TENM2: variants seen among roughly 807,000 people sequenced by gnomAD.
TENM2 encodes the protein teneurin-2.
Under a neutral mutation model 245.2 loss-of-function variants are expected in TENM2, and 52 were observed. The ratio of observed to expected loss-of-function variants is 0.21; its 90% confidence interval spans 0.17 to 0.27. The LOEUF (loss-of-function observed/expected upper bound fraction) is 0.27. Ranked by LOEUF, TENM2 falls within the 10% of genes least tolerant of loss-of-function variation. TENM2 has a pLI of 1.00. For missense variants in TENM2, 3,046 were observed against 3,666.8 expected (o/e 0.83, Z 4.37); for synonymous variants, 1,363 against 1,438.9 (o/e 0.95, Z 1.19).
intron 2 of TENM2, among the ~76,000 whole-genome samples, chr5:167,783,584 G>A (rs1227878063): frequency 1.3e-5 from 2 of 152,196 alleles, no homozygotes; most frequent in African/African-American, 2.4e-5. Context: ...CTTCAGCTCC[G>A]CGGATGCCAA....
chr5:167,426,624 T>A (rs2127433205), intron 2 of TENM2, among the ~76,000 whole-genome samples: 1 of 152,226 alleles, frequency 6.6e-6, no homozygotes, highest in Middle Eastern at 3.4e-3. Context: ...CTTAACTGTT[T>A]TGGTGTGATT....
At chr5:167,149,955 G>A in the TENM2 span, among the ~76,000 whole-genome samples, 1 of 152,154 alleles carries the variant, frequency 6.6e-6, no homozygotes, top group Non-Finnish European at 1.5e-5. Flanking sequence ...AAGGGAAGGA[G>A]AGGAAGGATG....
At chr5:167,817,032 G>A (rs952994317) in intron 2 of TENM2, among the ~76,000 whole-genome samples, 8 of 152,198 alleles carry the variant, frequency 5.3e-5, no homozygotes, top group Non-Finnish European at 8.8e-5. Flanking sequence ...TTTGGTTGAT[G>A]TGTTTCAGAA....
chr5:167,167,836 T>A, the TENM2 span, among the ~76,000 whole-genome samples: 1 of 152,190 alleles, frequency 6.6e-6, no homozygotes, highest in Non-Finnish European at 1.5e-5. Context: ...AATGAATGAA[T>A]GAGTGAATAA....
chr5:167,621,846 G>C (rs1341273775), intron 2 of TENM2, among the ~76,000 whole-genome samples: 2 of 152,156 alleles, frequency 1.3e-5, no homozygotes, highest in African/African-American at 4.8e-5. Context: ...GCAGGCTTAT[G>C]AATTTGGAAT....
At chr5:167,504,134 G>A (rs191707615) in intron 2 of TENM2, among the ~76,000 whole-genome samples, 1 of 152,152 alleles carries the variant, frequency 6.6e-6, no homozygotes, top group African/African-American at 2.4e-5. Flanking sequence ...TTGTCCAATG[G>A]AAGTGATACT....
intron 5 of TENM2, among the ~76,000 whole-genome samples, chr5:168,010,819 C>T (rs1785164883): frequency 1.3e-5 from 2 of 152,156 alleles, no homozygotes; most frequent in East Asian, 1.9e-4. Flanking sequence ...AAGCACTGTC[C>T]GTGTATTAGG....
the TENM2 span, among the ~76,000 whole-genome samples, chr5:167,063,158 G>A: frequency 7.9e-4 from 120 of 152,156 alleles, no homozygotes; most frequent in African/African-American, 2.7e-3. Flanking sequence ...TTGCCCTCAT[G>A]TTGGGCATCT....
In TENM2 at chr5:167,792,798, A is replaced by G. The variant is rs541589272; in HGVS notation, c.503-83188A>G. 3.3e-5 allele frequency among the ~76,000 whole-genome samples: 5 copies of G among 151,914 alleles called. No individual in the cohort carries two copies. The East Asian group carries it at 5.8e-4, about 18-fold the overall frequency. ...TACTGTTCTGTTAACAGGCATTTAC[A>G]TGATAATAGCGGTGTCAGCATGTGC... is the stretch of plus-strand genomic sequence containing the variant. On this transcript the variant is annotated intron_variant, in intron 2 of 28. Transcript: ENST00000518659.
intron 2 of TENM2, among the ~76,000 whole-genome samples, chr5:167,419,364 A>G (rs1173547030): frequency 2.0e-5 from 3 of 152,178 alleles, no homozygotes; most frequent in Non-Finnish European, 4.4e-5. Context: ...TGGGAGGCTG[A>G]GGCAGGAGAA....
chr5:167,375,385 C>A, exon 2 of TENM2: 1 of 1,551,680 alleles, frequency 6.4e-7, no homozygotes, highest in South Asian at 1.2e-5. Flanking sequence ...GGATAAAATC[C>A]AGGCGCAGTT....
chr5:167,206,394 C>A, the TENM2 span, among the ~76,000 whole-genome samples: 2 of 152,118 alleles, frequency 1.3e-5, no homozygotes, highest in Admixed American at 6.5e-5. Flanking sequence ...GTTTTTTTGT[C>A]CCCAAGGCTT....
the TENM2 span, among the ~76,000 whole-genome samples, chr5:167,242,337 A>G: frequency 6.6e-6 from 1 of 152,196 alleles, no homozygotes; most frequent in African/African-American, 2.4e-5. Flanking sequence ...GGCATGAGCC[A>G]CTGCACCTGG....
At chr5:167,208,501 A>T in the TENM2 span, among the ~76,000 whole-genome samples, 1 of 152,206 alleles carries the variant, frequency 6.6e-6, no homozygotes, top group Non-Finnish European at 1.5e-5. Flanking sequence ...CAAAACGAAC[A>T]CTAGAACCAC....
At chr5:167,067,754 A>G in the TENM2 span, among the ~76,000 whole-genome samples, 1 of 152,164 alleles carries the variant, frequency 6.6e-6, no homozygotes, top group Non-Finnish European at 1.5e-5. Flanking sequence ...TCTCTAATGT[A>G]TTGGTCATAA....
At chr5:167,350,405 A>T (rs1232815183) in intron 1 of TENM2, among the ~76,000 whole-genome samples, 1 of 101,046 alleles carries the variant, frequency 9.9e-6, no homozygotes, top group Non-Finnish European at 2.0e-5. Flanking sequence ...AAACCCATAT[A>T]CATATATATG....
At chr5:167,672,794 G>A (rs1209164593) in intron 2 of TENM2, among the ~76,000 whole-genome samples, 1 of 150,982 alleles carries the variant, frequency 6.6e-6, no homozygotes, top group Non-Finnish European at 1.5e-5. Context: ...TTGACCCAAG[G>A]ACAAAAGAAC....
At chr5:167,993,326 A>G in intron 5 of TENM2, 144 bp downstream of exon 7, 1 of 652,016 alleles carries the variant, frequency 1.5e-6, no homozygotes. Flanking sequence ...TGATGGATGG[A>G]GGTGATTTTT....
chr5:168,148,581 G>A (rs1258176659), intron 12 of TENM2, among the ~76,000 whole-genome samples: 2 of 152,134 alleles, frequency 1.3e-5, no homozygotes, highest in Admixed American at 6.5e-5. Context: ...GGGTTCCCTG[G>A]GCCACGTGGA....
Sources: gnomAD v4.1 joint callset for allele counts (sites outside exome capture counted in the v4.1 genomes callset) on GRCh38, gnomAD v4.1.1 for gene constraint, MANE v1.5 for transcripts, NCBI Gene and HGNC (gene_info 2026-07-23, HGNC 2026-07-21) for gene names.